The following PCDH15 variants were observed in gnomAD, a reference collection of about 807,000 sequenced individuals.
PCDH15 encodes the protein protocadherin-15.
A neutral mutation model predicts 178.5 loss-of-function variants in PCDH15; 129 were observed. The ratio of observed to expected loss-of-function variants is 0.72; its 90% CI spans 0.63 to 0.84. PCDH15 has a LOEUF of 0.84. Among genes scored for constraint, PCDH15 ranks in the 40% least tolerant of loss-of-function variants. The pLI is 0.00. For synonymous variants in PCDH15, 800 were observed against 732.0 expected (o/e 1.09, Z -1.50); for missense variants, 2,230 against 2,099.9 (o/e 1.06, Z -1.21).
intron 6 of PCDH15, among the ~76,000 whole-genome samples, chr10:54,333,551 TACC>T: frequency 8.6e-6 from 1 of 116,414 alleles, no homozygotes; most frequent in Admixed American, 9.4e-5. Flanking sequence ...CTGAAGTGTT[TACC>T]TAAAAAGTTT....
chr10:53,900,566 C>A (rs1012862558), intron 26 of PCDH15, among the ~76,000 whole-genome samples: 3 of 152,142 alleles, frequency 2.0e-5, no homozygotes, highest in Non-Finnish European at 4.4e-5. Context: ...ACCAAACTTT[C>A]GCCAGAATCC....
intron 13 of PCDH15, among the ~76,000 whole-genome samples, chr10:54,173,265 A>C (rs1253378741): frequency 6.6e-6 from 1 of 152,180 alleles, no homozygotes; most frequent in East Asian, 1.9e-4. Context: ...ACTTAAGGTC[A>C]TAAACTATAT....
intron 2 of PCDH15, among the ~76,000 whole-genome samples, chr10:55,451,529 G>GT (rs961755165): frequency 1.3e-5 from 2 of 151,824 alleles, no homozygotes; most frequent in African/African-American, 2.4e-5. Flanking sequence ...AAACAAAACA[G>GT]TTTGAGTTCA....
At chr10:55,265,934 A>C (rs1212244379) in intron 1 of PCDH15, among the ~76,000 whole-genome samples, 1 of 152,082 alleles carries the variant, frequency 6.6e-6, no homozygotes, top group Non-Finnish European at 1.5e-5. Context: ...CAGACCCAAG[A>C]AAGAGGCAGA....
chr10:55,544,139 C>CATACATATATAT (rs1200067998), intron 2 of PCDH15, among the ~76,000 whole-genome samples: 16 of 54,342 alleles, frequency 2.9e-4, no homozygotes, highest in Non-Finnish European at 5.2e-4. Flanking sequence ...CTTATACATA[C>CATACATATATAT]ATATATATAT....
chr10:54,375,717 T>C (rs571481359), intron 4 of PCDH15, among the ~76,000 whole-genome samples: 4 of 149,974 alleles, frequency 2.7e-5, no homozygotes, highest in South Asian at 4.2e-4. Context: ...CTTTCGCCAT[T>C]GTTAGTAGGA....
At chr10:54,948,036 G>T (rs899262041) in intron 2 of PCDH15, among the ~76,000 whole-genome samples, 2 of 151,908 alleles carry the variant, frequency 1.3e-5, no homozygotes, top group East Asian at 3.9e-4. Context: ...CAACCAGGAT[G>T]TAGCATATGC....
At chr10:54,771,555 A>G (rs1455700309) in intron 1 of PCDH15, among the ~76,000 whole-genome samples, 2 of 152,136 alleles carry the variant, frequency 1.3e-5, no homozygotes, top group African/African-American at 2.4e-5. Context: ...AGTACATTTT[A>G]TCATTAGGCT....
chr10:54,434,936 T>C (rs2075283607), intron 3 of PCDH15, among the ~76,000 whole-genome samples: 1 of 152,216 alleles, frequency 6.6e-6, no homozygotes, highest in South Asian at 2.1e-4. Context: ...CTATTTTTAG[T>C]AGGACAAAAC....
intron 14 of PCDH15, among the ~76,000 whole-genome samples, chr10:54,144,036 T>A (rs2043656695): frequency 6.6e-6 from 1 of 151,740 alleles, no homozygotes; most frequent in African/African-American, 2.4e-5. Flanking sequence ...GCCTGAAGCT[T>A]CTTTTGCAAG....
intron 2 of PCDH15, among the ~76,000 whole-genome samples, chr10:55,051,963 T>C (rs938020773): frequency 6.6e-6 from 1 of 151,966 alleles, no homozygotes; most frequent in Non-Finnish European, 1.5e-5. Flanking sequence ...TATATACCCA[T>C]AGATAGGGTG....
chr10:54,138,065 A>G (rs975275023), intron 14 of PCDH15, among the ~76,000 whole-genome samples: 1 of 152,184 alleles, frequency 6.6e-6, no homozygotes, highest in Non-Finnish European at 1.5e-5. Flanking sequence ...GGTGAGTGTC[A>G]GGTTCTTTGT....
chr10:54,324,036 C>T (rs568599301), intron 7 of PCDH15, among the ~76,000 whole-genome samples: 3 of 152,188 alleles, frequency 2.0e-5, no homozygotes, highest in East Asian at 1.9e-4. Context: ...GTCCCATAAA[C>T]CATCACCTGC....
intron 13 of PCDH15, among the ~76,000 whole-genome samples, chr10:54,178,316 T>C (rs1191263847): frequency 4.6e-5 from 7 of 152,126 alleles, no homozygotes; most frequent in Admixed American, 1.3e-4. Context: ...TAGAGATAGA[T>C]ATAGATCAAT....
intron 2 of PCDH15, among the ~76,000 whole-genome samples, chr10:55,404,052 AT>A (rs1418593623): frequency 6.6e-6 from 1 of 152,048 alleles, no homozygotes; most frequent in African/African-American, 2.4e-5. Flanking sequence ...GTGGATGCTA[AT>A]AAAAAAGAGC....
chr10:54,282,466 C>T (rs2058759036), intron 8 of PCDH15, among the ~76,000 whole-genome samples: 1 of 151,932 alleles, frequency 6.6e-6, no homozygotes, highest in South Asian at 2.1e-4. Flanking sequence ...GGAAAGGAGC[C>T]CATTAGTCCA....
At chr10:54,938,810 C>T (rs1042030899) in intron 2 of PCDH15, among the ~76,000 whole-genome samples, 11 of 152,188 alleles carry the variant, frequency 7.2e-5, no homozygotes, top group East Asian at 3.9e-4. Context: ...AACTTTTCTC[C>T]GCTCTGATCT....
chr10:54,807,334 A>T (rs990735291), intron 3 of PCDH15, among the ~76,000 whole-genome samples: 2 of 152,168 alleles, frequency 1.3e-5, no homozygotes. Context: ...ATCAAACTAC[A>T]AGCACTTTGA....
chr10:54,189,379 T>G lies in PCDH15; in HGVS notation c.1306-4111A>C, dbSNP rs78392377. 5.8e-6 allele frequency: 9 copies of G among 1,563,420 alleles called. No homozygotes were observed. The East Asian group carries it at 2.1e-4, about 36-fold the overall frequency. ...TAGTACCTACAGGAACTCCACTGGGTGGAACCTATACGCAAATTAAACATG... is the reference window on the plus strand; with the variant it reads ...TAGTACCTACAGGAACTCCACTGGGGGGAACCTATACGCAAATTAAACATG... On this transcript the variant is annotated intron_variant, in intron 11 of 37. Coordinates refer to ENST00000644397, the MANE Select transcript of PCDH15 (RefSeq NM_001384140.1).
Sources: allele counts gnomAD v4.1 joint callset (sites outside exome capture counted in the v4.1 genomes callset), GRCh38; gene constraint gnomAD v4.1.1; transcripts MANE v1.5; gene names NCBI Gene and HGNC (gene_info 2026-07-23, HGNC 2026-07-21).